Variants in PKD1L1 observed in about 807,000 individuals in gnomAD.
PKD1L1 encodes the protein polycystin 1 like 1, transient receptor potential channel interacting.
In PKD1L1, 236 loss-of-function variants were observed where a neutral mutation model predicts 323.4. The ratio of observed to expected loss-of-function variants is 0.73; its 90% CI spans 0.66 to 0.81. The LOEUF (loss-of-function observed/expected upper bound fraction) is 0.81, where lower values mean the gene tolerates loss of function less well. Among genes scored for constraint, PKD1L1 ranks in the 40% least tolerant of loss-of-function variants. PKD1L1 has a pLI of 0.00. For missense variants in PKD1L1, 3,320 were observed against 3,508.0 expected, an observed-to-expected ratio of 0.95 and a Z score of 1.35; for synonymous variants, 1,344 against 1,335.0, an observed-to-expected ratio of 1.01 and a Z score of -0.15.
intron 28 of PKD1L1, among the ~76,000 whole-genome samples, chr7:47,857,028 C>T (rs1785920066): frequency 6.6e-6 from 1 of 152,214 alleles, no homozygotes; most frequent in Non-Finnish European, 1.5e-5. Flanking sequence ...TGGGACAATC[C>T]TCCCTGACTT....
intron 31 of PKD1L1, among the ~76,000 whole-genome samples, chr7:47,852,685 C>T (rs1422925554): frequency 6.6e-6 from 1 of 152,148 alleles, no homozygotes; most frequent in Admixed American, 6.5e-5. Context: ...ACTCTGCCCC[C>T]ACACTGCTTC....
chr7:47,877,956 G>A (rs960629388), intron 21 of PKD1L1, among the ~76,000 whole-genome samples: 1 of 151,730 alleles, frequency 6.6e-6, no homozygotes, highest in East Asian at 1.9e-4. Flanking sequence ...TAGGCCCTGG[G>A]GAGACAGAAG....
intron 9 of PKD1L1, 148 bp downstream of exon 9, chr7:47,907,929 A>G: frequency 1.4e-6 from 1 of 734,114 alleles, no homozygotes; most frequent in Non-Finnish European, 2.1e-6. Flanking sequence ...ATTCTGCAAG[A>G]CATATTTTCT....
At chr7:47,922,298 A>C (rs376184764) in intron 7 of PKD1L1, among the ~76,000 whole-genome samples, 1 of 152,132 alleles carries the variant, frequency 6.6e-6, no homozygotes, top group Non-Finnish European at 1.5e-5. Flanking sequence ...TTGGCCTCCC[A>C]AAGTGCCGAG....
intron 27 of PKD1L1, 118 bp from the exon 28 acceptor site, chr7:47,857,950 T>C (rs1785942527): frequency 2.1e-6 from 2 of 955,936 alleles, no homozygotes; most frequent in African/African-American, 1.6e-5. Flanking sequence ...TTAGATTGGA[T>C]GGCAGGAAGC....
At chr7:47,788,448 G>C (rs184774541) in intron 56 of PKD1L1, among the ~76,000 whole-genome samples, 5 of 150,136 alleles carry the variant, frequency 3.3e-5, no homozygotes, top group African/African-American at 9.7e-5. Context: ...GCACCATGCC[G>C]GGTTAATTTT....
intron 56 of PKD1L1, 48 bp downstream of exon 56, chr7:47,792,579 T>C: frequency 6.5e-7 from 1 of 1,539,126 alleles, no homozygotes. Context: ...CTTTAGAACT[T>C]AAATTGCTAT....
At chr7:47,831,914 G>A (rs1270654804) in intron 41 of PKD1L1, among the ~76,000 whole-genome samples, 1 of 152,162 alleles carries the variant, frequency 6.6e-6, no homozygotes, top group African/African-American at 2.4e-5. Context: ...GCTGTGACTG[G>A]TCCCCTGCAG....
chr7:47,846,533 A>G (rs1019841022), intron 32 of PKD1L1, among the ~76,000 whole-genome samples: 3 of 152,250 alleles, frequency 2.0e-5, no homozygotes, highest in Non-Finnish European at 4.4e-5. Context: ...CAGCACTTCT[A>G]TGATAAGAAA....
the PKD1L1 span, among the ~76,000 whole-genome samples, chr7:47,960,747 A>G: frequency 3.9e-5 from 6 of 152,064 alleles, no homozygotes; most frequent in Non-Finnish European, 8.8e-5. Context: ...AAAGAAGACA[A>G]GCAAATGGCC....
At chr7:47,809,664 G>A in intron 50 of PKD1L1, 87 bp from the exon 51 acceptor site, 1 of 931,184 alleles carries the variant, frequency 1.1e-6, no homozygotes. Flanking sequence ...CAGCTCCCCT[G>A]CCAATCACCT....
At chr7:47,903,811 G>A (rs1351185426) in intron 12 of PKD1L1, among the ~76,000 whole-genome samples, 6 of 152,144 alleles carry the variant, frequency 3.9e-5, no homozygotes, top group African/African-American at 9.7e-5. Context: ...CTAGAGGCTC[G>A]GCTGGGAATG....
In PKD1L1 at chr7:47,839,548, C is replaced by T; in HGVS notation, c.5667G>A (p.Gln1889=). The change falls in exon 36 of 57, where the codon CAG becomes CAA. Residue 1889 remains glutamine, a synonymous_variant. Transcript: ENST00000289672. This position sits in a 1 kb window ranked among gnomAD's most constrained non-coding sequence, Gnocchi z 4.3. ...AGCACTGGGCAGGGAAGAACCAGCC[C>T]TGTCCCGTGTGCAGCTCCTTCACCA... The part of the protein sequence containing the change: ...HVMVKELHTG[Q]GWFFPAQCWL... The T allele has an allele frequency of 1.2e-6, 2 of 1,609,798 alleles. No individual in the cohort carries two copies. Among genetic ancestry groups the T allele is most frequent in the South Asian group, 1.1e-5 (1 of 89,794 alleles).
chr7:47,917,122 A>G (rs1787445476), intron 7 of PKD1L1, among the ~76,000 whole-genome samples: 1 of 152,212 alleles, frequency 6.6e-6, no homozygotes, highest in Non-Finnish European at 1.5e-5. Context: ...CAGATAGCAT[A>G]AATAAAAAAC....
intron 4 of PKD1L1, among the ~76,000 whole-genome samples, chr7:47,935,955 G>A (rs566547389): frequency 1.8e-4 from 27 of 152,316 alleles, no homozygotes; most frequent in African/African-American, 5.8e-4. Flanking sequence ...GAATAATAAC[G>A]AGGAAAACAA....
chr7:47,821,226 T>C (rs748841194), intron 45 of PKD1L1, 40 bp from the exon 46 acceptor site: 98 of 1,252,532 alleles, frequency 7.8e-5, no homozygotes, highest in Non-Finnish European at 9.1e-5. Context: ...ATACAGACCC[T>C]GTATGTAGGT....
At chr7:47,869,925 T>C (rs554808777) in intron 24 of PKD1L1, among the ~76,000 whole-genome samples, 4 of 152,146 alleles carry the variant, frequency 2.6e-5, no homozygotes, top group East Asian at 3.9e-4. Flanking sequence ...TAGAAATCAA[T>C]GACAAAAGAT....
At chr7:47,899,005 T>C (rs1317393623) in intron 13 of PKD1L1, among the ~76,000 whole-genome samples, 1 of 152,236 alleles carries the variant, frequency 6.6e-6, no homozygotes, top group Non-Finnish European at 1.5e-5. Context: ...GCTTAATTCT[T>C]TCCCTTAATT....
chr7:47,813,861 T>C, intron 48 of PKD1L1, 70 bp downstream of exon 48: 1 of 1,308,560 alleles, frequency 7.6e-7, no homozygotes, highest in Non-Finnish European at 1.1e-6. Context: ...GCCAGGGTCC[T>C]GCCCCAATGT....
Sources: gnomAD v4.1 joint callset for allele counts (sites outside exome capture counted in the v4.1 genomes callset) on GRCh38, gnomAD v4.1.1 for gene constraint, Gnocchi (gnomAD v3.1) non-coding constraint, MANE v1.5 for transcripts, NCBI Gene and HGNC (gene_info 2026-07-23, HGNC 2026-07-21) for gene names.